The following KATNBL1 variants were observed in gnomAD, a reference collection of about 807,000 sequenced individuals.
The protein encoded by KATNBL1 is katanin regulatory subunit B1 like 1, also known as KATNB1-like protein 1.
A neutral mutation model predicts 44.7 loss-of-function variants in KATNBL1; 28 were observed. That is an observed-to-expected ratio of 0.63 (90% confidence interval 0.46 to 0.86). The LOEUF is 0.86. Ranked by LOEUF, KATNBL1 falls within the 40% of genes least tolerant of loss-of-function variation. The probability of loss-of-function intolerance (pLI) is 0.00; values close to 1 mark genes in which losing one functional copy is unlikely to be tolerated. For synonymous variants in KATNBL1, 78 were observed against 114.9 expected, an observed-to-expected ratio of 0.68 and a Z score of 2.06; for missense variants, 272 against 350.7, an observed-to-expected ratio of 0.78 and a Z score of 1.79.
At chr15:34,209,251 T>C (rs1402215489) in intron 1 of KATNBL1, 2 of 152,206 alleles carry the variant, frequency 1.3e-5, no homozygotes, top group African/African-American at 2.4e-5. Flanking sequence ...GAACTGATGA[T>C]TATTACACAC....
intron 1 of KATNBL1, among the ~76,000 whole-genome samples, chr15:34,185,843 G>C (rs1889700400): frequency 6.6e-6 from 1 of 152,182 alleles, no homozygotes; most frequent in Non-Finnish European, 1.5e-5. Flanking sequence ...ACAGGAAGCA[G>C]GCGGCCACTT....
chr15:34,207,436 C>T (rs1890324326), intron 1 of KATNBL1, among the ~76,000 whole-genome samples: 1 of 152,082 alleles, frequency 6.6e-6, no homozygotes, highest in Non-Finnish European at 1.5e-5. Flanking sequence ...TCTCGATCTC[C>T]TGACCTTGTG....
intron 1 of KATNBL1, among the ~76,000 whole-genome samples, chr15:34,193,229 A>AAAAACAC: frequency 7.8e-6 from 1 of 127,912 alleles, no homozygotes; most frequent in Admixed American, 7.9e-5. Context: ...AAAAAAAAAA[A>AAAAACAC]AAAAAACAAA....
At chr15:34,157,375 A>G (rs1319650551) in intron 2 of KATNBL1, among the ~76,000 whole-genome samples, 1 of 152,138 alleles carries the variant, frequency 6.6e-6, no homozygotes, top group East Asian at 1.9e-4. Context: ...AATGGTTAGA[A>G]GCACTAGGCA....
At chr15:34,180,499 CCT>C (rs72529392) in intron 1 of KATNBL1, among the ~76,000 whole-genome samples, 31,308 of 152,048 alleles carry the variant, frequency 0.21, 4,030 homozygotes, top group African/African-American at 0.37. Flanking sequence ...TCCAGCAGCT[CCT>C]CTCTCTACTG....
At chr15:34,145,314 C>T (rs1888274953) in intron 9 of KATNBL1, 84 bp downstream of exon 9, 2 of 1,312,026 alleles carry the variant, frequency 1.5e-6, no homozygotes, top group Admixed American at 3.0e-5. Flanking sequence ...ATTATTTTGC[C>T]TAGAGACTTG....
chr15:34,151,294 T>G (rs1047967095), intron 4 of KATNBL1, among the ~76,000 whole-genome samples: 1 of 152,176 alleles, frequency 6.6e-6, no homozygotes, highest in Non-Finnish European at 1.5e-5. Context: ...TGGTATGAGA[T>G]GATATCCTGT....
intron 1 of KATNBL1, among the ~76,000 whole-genome samples, chr15:34,199,264 C>T (rs1175725086): frequency 6.6e-6 from 1 of 152,172 alleles, no homozygotes; most frequent in Non-Finnish European, 1.5e-5. Context: ...TGGCAAAACC[C>T]CGTCTCTACT....
chr15:34,191,154 C>T (rs1013227701), intron 1 of KATNBL1, among the ~76,000 whole-genome samples: 2 of 136,160 alleles, frequency 1.5e-5, no homozygotes, highest in Admixed American at 7.4e-5. Flanking sequence ...AATCATAGAC[C>T]ATATATATAT....
chr15:34,150,671 T>C (rs1322854919), intron 4 of KATNBL1, among the ~76,000 whole-genome samples: 1 of 152,210 alleles, frequency 6.6e-6, no homozygotes, highest in Non-Finnish European at 1.5e-5. Context: ...AGTTTGCATG[T>C]TGTGGGGGTT....
At chr15:34,168,485 C>G (rs1314513075) in intron 1 of KATNBL1, among the ~76,000 whole-genome samples, 1 of 151,996 alleles carries the variant, frequency 6.6e-6, no homozygotes, top group Non-Finnish European at 1.5e-5. Context: ...CACACAATAA[C>G]AATGGGAAAC....
intron 1 of KATNBL1, among the ~76,000 whole-genome samples, chr15:34,187,938 A>T (rs1448998651): frequency 6.6e-6 from 1 of 151,928 alleles, no homozygotes; most frequent in East Asian, 1.9e-4. Flanking sequence ...CAGGAGTCTG[A>T]GACCAGCCTG....
intron 1 of KATNBL1, among the ~76,000 whole-genome samples, chr15:34,189,173 C>T (rs544508223): frequency 2.0e-5 from 3 of 152,216 alleles, no homozygotes; most frequent in East Asian, 1.9e-4. Context: ...TACAGGCATG[C>T]GCCACCACGC....
At chr15:34,206,467 T>C (rs1205083549) in intron 1 of KATNBL1, among the ~76,000 whole-genome samples, 2 of 152,004 alleles carry the variant, frequency 1.3e-5, no homozygotes, top group Admixed American at 6.6e-5. Context: ...GAGCAAGAAA[T>C]AGTAAACACA....
intron 1 of KATNBL1, among the ~76,000 whole-genome samples, chr15:34,198,674 C>A (rs1387839645): frequency 1.3e-5 from 2 of 152,114 alleles, no homozygotes; most frequent in Non-Finnish European, 2.9e-5. Flanking sequence ...AGAACAACAA[C>A]AAAAAACCCA....
intron 1 of KATNBL1, among the ~76,000 whole-genome samples, chr15:34,180,910 C>A (rs986914763): frequency 5.9e-5 from 9 of 152,150 alleles, no homozygotes; most frequent in Admixed American, 2.6e-4. Flanking sequence ...AAAAACCAAA[C>A]CAAAGCAAAA....
chr15:34,141,179 C>G lies in KATNBL1; in HGVS notation c.*1160G>C, dbSNP rs1328673671. On this transcript the variant is annotated 3_prime_UTR_variant, in exon 10 of 10. Coordinates refer to ENST00000256544, the MANE Select transcript of KATNBL1 (RefSeq NM_024713.3). ...TTAAGACATTCCAGAATTTGGTTCA[C>G]TGACACTAAAAGTGGTATTTTAAAA... 6.6e-6 allele frequency: 1 copy of G among 152,570 alleles called. No homozygotes were observed. Among genetic ancestry groups the G allele is most frequent in the Non-Finnish European group, 1.5e-5 (1 of 67,990 alleles). 9.5% of individuals were successfully genotyped at this position (152,570 alleles called of 1,614,324 possible).
chr15:34,178,681 A>G (rs866530652), intron 1 of KATNBL1, among the ~76,000 whole-genome samples: 9 of 147,590 alleles, frequency 6.1e-5, no homozygotes, highest in Admixed American at 2.8e-4. Context: ...GCATGAACCC[A>G]GGAGGCGGAG....
intron 1 of KATNBL1, among the ~76,000 whole-genome samples, chr15:34,165,520 G>A (rs190034152): frequency 3.9e-5 from 6 of 152,326 alleles, no homozygotes; most frequent in African/African-American, 1.4e-4. Flanking sequence ...AACTTGATCA[G>A]GTGTGGTGGC....
Sources: allele counts gnomAD v4.1 joint callset (sites outside exome capture counted in the v4.1 genomes callset), GRCh38; gene constraint gnomAD v4.1.1; transcripts MANE v1.5; gene names NCBI Gene and HGNC (gene_info 2026-07-23, HGNC 2026-07-21).